The following ZBBX variants were observed in gnomAD, a reference collection of about 807,000 sequenced individuals.
ZBBX encodes zinc finger B-box domain-containing protein 1.
In ZBBX, 101 loss-of-function variants were observed where a neutral mutation model predicts 108.5. The observed-to-expected ratio is 0.93, with a 90% confidence interval of 0.79 to 1.10. The LOEUF is 1.10. ZBBX is among the 50% of genes least tolerant of loss of function. ZBBX has a pLI of 0.00. For synonymous variants in ZBBX, 356 were observed against 323.4 expected (o/e 1.10, Z -1.08); for missense variants, 1,009 against 941.4 (o/e 1.07, Z -0.94).
chr3:167,363,493 C>T (rs190986658), intron 6 of ZBBX, among the ~76,000 whole-genome samples: 5 of 152,032 alleles, frequency 3.3e-5, no homozygotes, highest in Admixed American at 3.3e-4. Context: ...TTTTTTCTTC[C>T]ACCTTTCTTG....
At position 167,298,345 on chromosome 3, in the gene ZBBX, A is replaced by C. The variant is rs202228255; in HGVS notation, c.1839T>G (p.Arg613=). ...TAGTACTGGAATTGTTGCATTCTAA[A>C]CGATGAGAAGGAAGTAAGTTGAGTC... The part of the protein sequence containing the change: ...NERLNLLPSH[R]LECNNSSTRI... The change falls in exon 18 of 22, where the codon CGT becomes CGG. Residue 613 remains arginine (R), a synonymous_variant. Coordinates refer to ENST00000675490, the MANE Select transcript of ZBBX (RefSeq NM_001199201.2). The C allele has an allele frequency of 4.6e-5, 74 of 1,600,012 alleles. No individual in the cohort carries two copies. In the East Asian group the frequency reaches 1.2e-3, roughly 25 times the overall value.
At chr3:167,389,701 G>C (rs766495331) in intron 1 of ZBBX, among the ~76,000 whole-genome samples, 2 of 152,058 alleles carry the variant, frequency 1.3e-5, no homozygotes, top group Non-Finnish European at 2.9e-5. Flanking sequence ...TCTCATTGTG[G>C]TTTTGATTTG....
At chr3:167,385,529 G>A (rs1306485145) in intron 1 of ZBBX, among the ~76,000 whole-genome samples, 1 of 151,820 alleles carries the variant, frequency 6.6e-6, no homozygotes, top group Non-Finnish European at 1.5e-5. Flanking sequence ...TTACCTTCCT[G>A]TAACTTTACT....
At position 167,317,559 on chromosome 3, in the gene ZBBX, G is replaced by A. The variant is rs757134724; in HGVS notation, c.1022C>T (p.Thr341Met). 3.1e-5 allele frequency: 50 copies of A among 1,610,218 alleles called. No homozygotes were observed. Among genetic ancestry groups the A allele is most frequent in the African/African-American group, 2.1e-4 (16 of 74,658 alleles). ...QEQLFKMLPD[T>M]FPHPHETTGD... Reference sequence around the variant, plus strand: ...AGTGGTTTCATGTGGATGTGGGAACGTATCTGGTAGCATTTTAAAAAGTTG... The same window carrying A: ...AGTGGTTTCATGTGGATGTGGGAACATATCTGGTAGCATTTTAAAAAGTTG... The change falls in exon 13 of 22, where the codon ACG becomes ATG. Residue 341 changes from threonine to methionine, a missense_variant. Thr to Met is a moderately conservative substitution (Grantham distance 81). Coordinates refer to ENST00000675490, the MANE Select transcript of ZBBX (RefSeq NM_001199201.2).
the ZBBX span, among the ~76,000 whole-genome samples, chr3:167,207,580 G>T: frequency 6.6e-6 from 1 of 152,256 alleles, no homozygotes; most frequent in African/African-American, 2.4e-5. Flanking sequence ...CCACAAAAAT[G>T]AATGAAATTA....
intron 20 of ZBBX, among the ~76,000 whole-genome samples, chr3:167,249,644 T>G (rs1294226252): frequency 1.3e-5 from 2 of 152,206 alleles, no homozygotes; most frequent in Admixed American, 1.3e-4. Context: ...AGTTTTCAGA[T>G]GACCCTGATA....
intron 8 of ZBBX, 21 bp downstream of exon 8, chr3:167,359,849 T>C (rs1744221051): frequency 8.1e-7 from 1 of 1,237,880 alleles, no homozygotes; most frequent in African/African-American, 1.5e-5. Flanking sequence ...TATATGTATA[T>C]ATACTATATA....
At chr3:167,311,728 T>A (rs981472926) in intron 16 of ZBBX, among the ~76,000 whole-genome samples, 7 of 150,630 alleles carry the variant, frequency 4.6e-5, no homozygotes, top group African/African-American at 7.4e-5. Context: ...AAAAAAAAAA[T>A]GAAATATCAC....
chr3:167,365,403 T>A (rs763866075), intron 6 of ZBBX, among the ~76,000 whole-genome samples: 1 of 151,724 alleles, frequency 6.6e-6, no homozygotes, highest in East Asian at 1.9e-4. Flanking sequence ...AGCAATTCTA[T>A]AGCTGGGAAA....
chr3:167,267,720 C>T lies in ZBBX; in HGVS notation c.2254+14518G>A, dbSNP rs1725807963. ...TGTTCTCAAGAGAAACTGGACTATG[C>T]TCTTTGTTAGAGACAGGGACCTGTT... On this transcript the variant is annotated intron_variant, in intron 20 of 21. Coordinates refer to ENST00000675490, the MANE Select transcript of ZBBX (RefSeq NM_001199201.2). Among the ~76,000 whole-genome samples the T allele has an allele frequency of 2.0e-5, 3 of 152,268 alleles. 1 individual carries two copies. In the South Asian group the frequency reaches 6.2e-4, roughly 32 times the overall value.
downstream of ZBBX, among the ~76,000 whole-genome samples, chr3:167,235,619 T>C (rs574530361): frequency 1.1e-4 from 17 of 151,740 alleles, no homozygotes; most frequent in African/African-American, 3.9e-4. Context: ...CAGAACTATG[T>C]TTTCATAACT....
At chr3:167,368,052 G>C (rs1745605582) in intron 5 of ZBBX, among the ~76,000 whole-genome samples, 1 of 144,666 alleles carries the variant, frequency 6.9e-6, no homozygotes. Context: ...GTGAACTCTT[G>C]CTCCCAAAAG....
In ZBBX at chr3:167,359,855, A is replaced by ATACTG; in HGVS notation, c.432+14_432+15insCAGTA. 34 of 1,246,544 alleles carry ATACTG rather than the reference A, an allele frequency of 2.7e-5. No homozygotes were observed. The highest frequency in any genetic ancestry group is 3.7e-5 in the Non-Finnish European group (33 of 882,954). 77.2% of individuals were successfully genotyped at this position (1,246,544 alleles called of 1,614,324 possible). A position where few individuals can be genotyped will look rare whatever the true frequency, so the allele number is the denominator to read the frequency against. On this transcript the variant is annotated intron_variant, in intron 8 of 21. Transcript: ENST00000675490. ...ACTATACAGTATATGTATATATACT[A>ATACTG]TATAACGTACATACCAGTAGAGCAG...
chr3:167,225,968 C>T, the ZBBX span, among the ~76,000 whole-genome samples: 1 of 151,350 alleles, frequency 6.6e-6, no homozygotes, highest in East Asian at 2.0e-4. Context: ...ATATAGATCC[C>T]TCATGAGGGC....
At chr3:167,398,594 C>T (rs1302894638) in intron 1 of ZBBX, among the ~76,000 whole-genome samples, 2 of 151,696 alleles carry the variant, frequency 1.3e-5, no homozygotes. Context: ...ATTTAATGAA[C>T]ATTTATTATC....
At chr3:167,316,765 C>T (rs559025176) in intron 14 of ZBBX, among the ~76,000 whole-genome samples, 1 of 152,020 alleles carries the variant, frequency 6.6e-6, no homozygotes, top group South Asian at 2.1e-4. Flanking sequence ...TCTTACCTCC[C>T]ATAATATATT....
chr3:167,286,834 G>A (rs577617328), intron 19 of ZBBX, among the ~76,000 whole-genome samples: 2 of 152,190 alleles, frequency 1.3e-5, no homozygotes, highest in South Asian at 2.1e-4. Flanking sequence ...ACATAGCTAC[G>A]ATGTTTTTAC....
At chr3:167,222,961 A>G in the ZBBX span, among the ~76,000 whole-genome samples, 4 of 151,992 alleles carry the variant, frequency 2.6e-5, no homozygotes, top group Non-Finnish European at 5.9e-5. Context: ...ACACATAGAA[A>G]TGATAAATAG....
intron 20 of ZBBX, among the ~76,000 whole-genome samples, chr3:167,252,551 A>C (rs1167188771): frequency 3.3e-5 from 5 of 150,862 alleles, no homozygotes; most frequent in Non-Finnish European, 7.4e-5. Flanking sequence ...GACCGTATTC[A>C]TGAACAGTGC....
Sources: allele counts gnomAD v4.1 joint callset (sites outside exome capture counted in the v4.1 genomes callset), GRCh38; gene constraint gnomAD v4.1.1; transcripts MANE v1.5; gene names NCBI Gene and HGNC (gene_info 2026-07-23, HGNC 2026-07-21).